PCDHA2: variants seen among roughly 807,000 people sequenced by gnomAD.
PCDHA2 encodes the protein protocadherin alpha 2.
In PCDHA2, 58 loss-of-function variants were observed where a neutral mutation model predicts 66.0. The ratio of observed to expected loss-of-function variants is 0.88; its 90% confidence interval spans 0.71 to 1.09. The LOEUF (loss-of-function observed/expected upper bound fraction) is 1.09. Ranked by LOEUF, PCDHA2 falls within the 50% of genes least tolerant of loss-of-function variation. The pLI is 0.00. For synonymous variants in PCDHA2, 634 were observed against 554.0 expected (o/e 1.14, Z -2.03); for missense variants, 1,267 against 1,242.3 (o/e 1.02, Z -0.30).
In PCDHA2 at chr5:140,796,623, G is replaced by A. The variant is rs782120818; in HGVS notation, c.1659G>A (p.Val553=). ...PPLGSNVTLQ[V]FVLDENDNAP... Reference sequence around the variant, plus strand: ...TGGGCAGCAACGTGACGCTGCAGGTGTTCGTGCTGGACGAGAACGACAACG... The same window carrying A: ...TGGGCAGCAACGTGACGCTGCAGGTATTCGTGCTGGACGAGAACGACAACG... The change falls in exon 1 of 4, where the codon GTG becomes GTA. Residue 553 remains valine, a synonymous_variant. Transcript: ENST00000526136. The A allele has an allele frequency of 3.1e-6, 5 of 1,612,024 alleles. No homozygotes were observed. The South Asian group carries it at 5.5e-5, about 18-fold the overall frequency.
At chr5:140,802,203 G>C (rs1554121948) in intron 1 of PCDHA2, 1 of 1,614,220 alleles carries the variant, frequency 6.2e-7, no homozygotes, top group Non-Finnish European at 8.5e-7. Context: ...TCACTGCACA[G>C]TTCTACTCGA....
chr5:140,911,480 G>A (rs2075504387), intron 1 of PCDHA2, among the ~76,000 whole-genome samples: 1 of 152,142 alleles, frequency 6.6e-6, no homozygotes, highest in African/African-American at 2.4e-5. Flanking sequence ...CTCTCACTCA[G>A]GGCAATCTTA....
chr5:140,919,648 G>A (rs1482168238), intron 1 of PCDHA2, among the ~76,000 whole-genome samples: 7 of 151,936 alleles, frequency 4.6e-5, no homozygotes, highest in Non-Finnish European at 7.4e-5. Flanking sequence ...TTTCTCTAGA[G>A]TTTACCATAT....
chr5:140,883,861 G>A (rs1554180326), intron 1 of PCDHA2: 2 of 1,613,126 alleles, frequency 1.2e-6, no homozygotes, highest in South Asian at 1.1e-5. Flanking sequence ...TGGAGCTGTT[G>A]CAGTTCCAGG....
At chr5:140,829,622 C>G in intron 1 of PCDHA2, 1 of 1,612,190 alleles carries the variant, frequency 6.2e-7, no homozygotes, top group Non-Finnish European at 8.5e-7. Context: ...CATTTCGGTG[C>G]ACGCGGAGAG....
chr5:140,916,084 C>T (rs1330761804), intron 1 of PCDHA2, among the ~76,000 whole-genome samples: 3 of 152,186 alleles, frequency 2.0e-5, no homozygotes, highest in Non-Finnish European at 4.4e-5. Flanking sequence ...TACCACTGGT[C>T]CACAGGGAAT....
chr5:140,941,467 C>G (rs1290341607), intron 1 of PCDHA2, among the ~76,000 whole-genome samples: 4 of 151,456 alleles, frequency 2.6e-5, no homozygotes, highest in Non-Finnish European at 5.9e-5. Context: ...AGGCGCCCAC[C>G]ACCACGCCTG....
chr5:141,000,418 T>C (rs2097923101), intron 3 of PCDHA2, among the ~76,000 whole-genome samples: 1 of 83,682 alleles, frequency 1.2e-5, no homozygotes, highest in Admixed American at 1.7e-4. Flanking sequence ...TATATATATA[T>C]ATATTTTTTT....
intron 1 of PCDHA2, chr5:140,853,268 G>A: frequency 9.2e-6 from 9 of 975,960 alleles, no homozygotes; most frequent in Non-Finnish European, 1.1e-5. Context: ...CAGAGTACAA[G>A]CTCTCATCAT....
At chr5:140,804,577 A>G (rs1053673619) in intron 1 of PCDHA2, 1 of 152,308 alleles carries the variant, frequency 6.6e-6, no homozygotes, top group Non-Finnish European at 1.5e-5. Context: ...TGCTAATATG[A>G]AATAAGTTTG....
In PCDHA2 at chr5:140,924,786, T is replaced by G. The variant is rs2082007959; in HGVS notation, c.2389-54163T>G. Reference sequence around the variant, plus strand: ...GGTGCGCGCTTGTAGTCCTAGCTACTTAGGAGGCTGAGGCAAGAGAATCGC... The same window carrying G: ...GGTGCGCGCTTGTAGTCCTAGCTACGTAGGAGGCTGAGGCAAGAGAATCGC... On this transcript the variant is annotated intron_variant, in intron 1 of 3. Coordinates refer to ENST00000526136, the MANE Select transcript of PCDHA2 (RefSeq NM_018905.3). Among the ~76,000 whole-genome samples the G allele has an allele frequency of 4.6e-5, 7 of 151,720 alleles. No homozygotes were observed. In the South Asian group the frequency reaches 1.2e-3, roughly 27 times the overall value.
intron 1 of PCDHA2, chr5:140,827,955 C>A: frequency 7.8e-7 from 1 of 1,286,522 alleles, no homozygotes; most frequent in Non-Finnish European, 1.1e-6. Context: ...ATTCAAATTT[C>A]TTCTATTACT....
intron 1 of PCDHA2, among the ~76,000 whole-genome samples, chr5:140,872,744 C>T (rs1359908128): frequency 6.6e-6 from 1 of 152,086 alleles, no homozygotes; most frequent in African/African-American, 2.4e-5. Flanking sequence ...TCTAAACTTG[C>T]TAAAGACATG....
intron 1 of PCDHA2, chr5:140,848,924 G>A (rs2150425105): frequency 3.1e-6 from 5 of 1,607,706 alleles, no homozygotes; most frequent in Admixed American, 1.7e-5. Context: ...TGTTCATCGC[G>A]GAATCCAGGC....
rs199811254 is a variant in PCDHA2 at position 140,877,222 on chromosome 5, T to C, written c.2388+79870T>C. 9.3e-5 allele frequency: 150 copies of C among 1,613,562 alleles called. No homozygotes were observed. Among genetic ancestry groups the C allele is most frequent in the Admixed American group, 2.2e-4 (13 of 59,972 alleles). Reference sequence around the variant, plus strand: ...CGCAGTTAGCGAGTTGGTACCGCGGTCGGTGGGTGCGGGCCACGTGGTGGC... The same window carrying C: ...CGCAGTTAGCGAGTTGGTACCGCGGCCGGTGGGTGCGGGCCACGTGGTGGC... On this transcript the variant is annotated intron_variant, in intron 1 of 3. Transcript: ENST00000526136.
intron 3 of PCDHA2, among the ~76,000 whole-genome samples, chr5:141,001,177 T>G (rs2097996689): frequency 6.6e-6 from 1 of 152,154 alleles, no homozygotes; most frequent in Non-Finnish European, 1.5e-5. Context: ...TAACGAGTTT[T>G]TACTTTGCAC....
chr5:140,823,676 G>T, intron 1 of PCDHA2: 19 of 1,614,042 alleles, frequency 1.2e-5, no homozygotes, highest in Admixed American at 1.7e-5. Flanking sequence ...AGCACAACAC[G>T]CTCTCTGGAT....
Position 141,000,421 on chromosome 5 carries a change from A to ATTTT in PCDHA2, c.2537-9186_2537-9183dup, listed in dbSNP as rs34755515. ...TATATATATATATATATATATATAT[A>ATTTT]TTTTTTTTTTTTTTTTTTTTTTTGA... On this transcript the variant is annotated intron_variant, in intron 3 of 3. Transcript: ENST00000526136. Among the ~76,000 whole-genome samples the ATTTT allele has an allele frequency of 6.1e-3, 170 of 27,980 alleles. 16 individuals carry two copies. The highest frequency in any genetic ancestry group is 7.4e-3 in the Non-Finnish European group (131 of 17,660). The allele number at this position is 27,980 out of a possible 152,430, so 18.4% of individuals were successfully genotyped here.
rs1554145927 is a variant in PCDHA2, at chr5:140,852,587, T to TA, written c.2388+55235_2388+55236insA. ...CACTGTGCCAAGGCTTTTTTATTTT[T>TA]TTTTTTTGTCATTTTCTTTCAAAAC... On this transcript the variant is annotated intron_variant, in intron 1 of 3. Coordinates refer to ENST00000526136, the MANE Select transcript of PCDHA2 (RefSeq NM_018905.3). 484 of 881,862 alleles carry TA rather than the reference T, an allele frequency of 5.5e-4. 26 individuals are homozygous for TA. Among genetic ancestry groups the TA allele is most frequent in the African/African-American group, 4.5e-3 (245 of 54,698 alleles). 54.6% of individuals were successfully genotyped at this position (881,862 alleles called of 1,614,324 possible). A position where few individuals can be genotyped will look rare whatever the true frequency, so the allele number is the denominator to read the frequency against.
Sources: allele counts gnomAD v4.1 joint callset (sites outside exome capture counted in the v4.1 genomes callset), GRCh38; gene constraint gnomAD v4.1.1; transcripts MANE v1.5; gene names NCBI Gene and HGNC (gene_info 2026-07-23, HGNC 2026-07-21).